The following CTNNA3 variants were observed in gnomAD, a reference collection of about 807,000 sequenced individuals.
The protein encoded by CTNNA3 is catenin alpha 3.
A neutral mutation model predicts 95.7 loss-of-function variants in CTNNA3; 76 were observed. That is an observed-to-expected ratio of 0.79 (90% confidence interval 0.66 to 0.96). The LOEUF (loss-of-function observed/expected upper bound fraction) is 0.96. Ranked by LOEUF, CTNNA3 falls within the 40% of genes least tolerant of loss-of-function variation. The pLI, the probability that CTNNA3 is intolerant of heterozygous loss-of-function variation, is 0.00. For missense variants in CTNNA3, 1,191 were observed against 1,089.8 expected (o/e 1.09, Z -1.31); for synonymous variants, 431 against 374.4 (o/e 1.15, Z -1.74).
chr10:67,347,340 C>T (rs1842462611), intron 5 of CTNNA3, among the ~76,000 whole-genome samples: 1 of 152,126 alleles, frequency 6.6e-6, no homozygotes, highest in South Asian at 2.1e-4. Context: ...GCTGGGATTA[C>T]AGGCATGAGA....
intron 7 of CTNNA3, among the ~76,000 whole-genome samples, chr10:67,126,400 G>A (rs1013108857): frequency 6.6e-6 from 1 of 151,250 alleles, no homozygotes; most frequent in Non-Finnish European, 1.5e-5. Flanking sequence ...GGCGGCGCGT[G>A]CCTGTAATCC....
chr10:66,346,242 T>TAGAGAGAG (rs1347078009), intron 12 of CTNNA3, among the ~76,000 whole-genome samples: 2 of 8,864 alleles, frequency 2.3e-4, no homozygotes, highest in African/African-American at 8.1e-4. Flanking sequence ...TATATATATA[T>TAGAGAGAG]ATATAGAGAG....
At chr10:66,360,060 C>G (rs563259022) in intron 12 of CTNNA3, among the ~76,000 whole-genome samples, 30 of 152,044 alleles carry the variant, frequency 2.0e-4, no homozygotes, top group Non-Finnish European at 1.2e-4. Flanking sequence ...AACTCCTGAC[C>G]TCATGATCCA....
chr10:66,849,842 C>T (rs527481025), intron 7 of CTNNA3, among the ~76,000 whole-genome samples: 9 of 152,016 alleles, frequency 5.9e-5, no homozygotes, highest in Non-Finnish European at 1.3e-4. Context: ...TTACTACAGC[C>T]CTAGGAAACT....
At chr10:66,264,630 A>G (rs916890833) in intron 13 of CTNNA3, among the ~76,000 whole-genome samples, 10 of 152,002 alleles carry the variant, frequency 6.6e-5, no homozygotes, top group African/African-American at 2.4e-4. Context: ...GTACATTTAC[A>G]TGGCACATCT....
intron 5 of CTNNA3, among the ~76,000 whole-genome samples, chr10:67,316,099 G>A (rs1841041234): frequency 6.6e-6 from 1 of 152,012 alleles, no homozygotes; most frequent in African/African-American, 2.4e-5. Flanking sequence ...TTATCTGAGT[G>A]GAATCAACAG....
rs575070288 is a variant in CTNNA3, at chr10:66,437,018, C to G, written c.1532-57666G>C. Reference sequence around the variant, plus strand: ...TTTAAGAATGTTGAATATCAGCCCCCACCCTCTTCTGGCTTGTAGGGTTTC... The same window carrying G: ...TTTAAGAATGTTGAATATCAGCCCCGACCCTCTTCTGGCTTGTAGGGTTTC... On this transcript the variant is annotated intron_variant, in intron 11 of 17. Transcript: ENST00000433211. Among the ~76,000 whole-genome samples the G allele has an allele frequency of 2.2e-4, 33 of 152,210 alleles. 1 individual carries two copies. In the South Asian group the frequency reaches 3.7e-3, roughly 17 times the overall value.
Position 67,102,572 on chromosome 10 carries a change from C to T in CTNNA3, c.1047+77745G>A, listed in dbSNP as rs1858401023. 4.6e-5 allele frequency among the ~76,000 whole-genome samples: 7 copies of T among 151,844 alleles called. 1 individual carries two copies. In the South Asian group the frequency reaches 1.5e-3, roughly 31 times the overall value. ...AGGACTTAGGCTACTAAGTTTCTTC[C>T]TCCTAGCTCTCATTTATAAATTTTG... On this transcript the variant is annotated intron_variant, in intron 7 of 17. Coordinates refer to ENST00000433211, the MANE Select transcript of CTNNA3 (RefSeq NM_013266.4).
rs1589220797 is a variant in CTNNA3 at position 65,988,772 on chromosome 10, T to G, written c.2185A>C (p.Thr729Pro). Residue 729 changes from threonine to proline, a missense_variant, in exon 16 of 18, where the codon ACT (threonine) becomes CCT (proline). Transcript: ENST00000433211. ...TRGKGPLKHT[T>P]DVIYAAKMIS... Reference sequence around the variant, plus strand: ...ATTTTCGCTGCATAGATCACATCAGTTGTATGCTTTAGTGGTCCTTTGCCC... The same window carrying G: ...ATTTTCGCTGCATAGATCACATCAGGTGTATGCTTTAGTGGTCCTTTGCCC... 1 of 1,613,782 alleles carries G rather than the reference T, an allele frequency of 6.2e-7. No homozygotes were observed. The highest frequency in any genetic ancestry group is 8.5e-7 in the Non-Finnish European group (1 of 1,179,778).
At chr10:66,346,396 A>AC (rs2132375330) in intron 12 of CTNNA3, among the ~76,000 whole-genome samples, 1 of 151,464 alleles carries the variant, frequency 6.6e-6, no homozygotes, top group African/African-American at 2.4e-5. Context: ...ATCCTGCGTC[A>AC]GCCTCCTGAG....
chr10:66,968,783 A>G (rs1849569260), intron 7 of CTNNA3, among the ~76,000 whole-genome samples: 1 of 152,018 alleles, frequency 6.6e-6, no homozygotes, highest in South Asian at 2.1e-4. Flanking sequence ...TTGGGAGGCC[A>G]AGGTGGGCAG....
rs528411654 is a variant in CTNNA3 at position 66,155,999 on chromosome 10, G to A, written c.1885-52750C>T. Among the ~76,000 whole-genome samples the A allele has an allele frequency of 2.6e-5, 4 of 151,906 alleles. No individual in the cohort carries two copies. In the South Asian group the frequency reaches 8.3e-4, roughly 32 times the overall value. ...ACTTTATCAAAGAATATATCCAAAT[G>A]GCCAAAATAGTATATTTTAAGAAGA... On this transcript the variant is annotated intron_variant, in intron 13 of 17. Transcript: ENST00000433211.
At chr10:67,116,002 G>A (rs1029988026) in intron 7 of CTNNA3, among the ~76,000 whole-genome samples, 73 of 151,990 alleles carry the variant, frequency 4.8e-4, no homozygotes, top group African/African-American at 1.7e-3. Context: ...AATTTAAAGA[G>A]TTATTTTTTC....
At chr10:66,245,735 C>T (rs1386871178) in intron 13 of CTNNA3, among the ~76,000 whole-genome samples, 2 of 152,132 alleles carry the variant, frequency 1.3e-5, no homozygotes, top group African/African-American at 4.8e-5. Flanking sequence ...TTGCTGTTCT[C>T]TACAGCTGAT....
chr10:66,566,105 C>T (rs1417076827), intron 10 of CTNNA3, among the ~76,000 whole-genome samples: 2 of 152,090 alleles, frequency 1.3e-5, no homozygotes, highest in African/African-American at 2.4e-5. Flanking sequence ...ATAATCGGGG[C>T]TGTTTTTAAA....
chr10:66,171,636 T>G (rs1366749738), intron 13 of CTNNA3, among the ~76,000 whole-genome samples: 1 of 152,110 alleles, frequency 6.6e-6, no homozygotes, highest in East Asian at 1.9e-4. Context: ...GATGTCCTGC[T>G]TGGCAAAGCT....
intron 5 of CTNNA3, among the ~76,000 whole-genome samples, chr10:67,258,820 G>T (rs934105668): frequency 6.6e-6 from 1 of 152,054 alleles, no homozygotes; most frequent in African/African-American, 2.4e-5. Context: ...ATTCCCTCAA[G>T]AATATGTTTG....
chr10:66,212,146 C>T (rs10996978), intron 13 of CTNNA3, among the ~76,000 whole-genome samples: 31,279 of 151,776 alleles, frequency 0.21, 4,001 homozygotes, highest in Middle Eastern at 0.31. Context: ...CCCGCCACCA[C>T]GCCTGGCTAA....
intron 13 of CTNNA3, among the ~76,000 whole-genome samples, chr10:66,151,934 C>A (rs960648307): frequency 1.6e-4 from 24 of 151,848 alleles, no homozygotes; most frequent in Non-Finnish European, 3.1e-4. Flanking sequence ...AGATTGAATG[C>A]TATAGAAATA....
Sources: allele counts gnomAD v4.1 joint callset (sites outside exome capture counted in the v4.1 genomes callset), GRCh38; gene constraint gnomAD v4.1.1; transcripts MANE v1.5; gene names NCBI Gene and HGNC (gene_info 2026-07-23, HGNC 2026-07-21).